Variants in USH2A observed in about 807,000 individuals in gnomAD.
USH2A encodes usherin.
In USH2A, 443 loss-of-function variants were observed where a neutral mutation model predicts 538.9. The observed-to-expected ratio is 0.82, with a 90% CI of 0.76 to 0.89. The LOEUF (loss-of-function observed/expected upper bound fraction) is 0.89. USH2A is among the 40% of genes least tolerant of loss of function. USH2A has a pLI of 0.00. For synonymous variants in USH2A, 2,413 were observed against 2,273.5 expected, an observed-to-expected ratio of 1.06 and a Z score of -1.75; for missense variants, 6,633 against 6,324.8, an observed-to-expected ratio of 1.05 and a Z score of -1.65.
At chr1:215,870,283 T>A (rs1200157174) in intron 43 of USH2A, among the ~76,000 whole-genome samples, 2 of 148,904 alleles carry the variant, frequency 1.3e-5, no homozygotes, top group African/African-American at 5.1e-5. Context: ...TTTTTTTATT[T>A]TTTATTTTTT....
rs200462291 is a variant in USH2A, at chr1:216,307,394, AG to A, written c.1644+14488del. Among the ~76,000 whole-genome samples, 125 of 152,228 alleles carry A rather than the reference AG, an allele frequency of 8.2e-4. No homozygotes were observed. In the East Asian group the frequency reaches 0.013, roughly 15 times the overall value. ...TCACCCAGCTCCCATGCAACCCAAA[AG>A]GCCAGTCTCACTCCCACAATACTCT... On this transcript the variant is annotated intron_variant, in intron 9 of 71. Transcript: ENST00000307340.
At chr1:215,796,719 T>A (rs1332667804) in intron 50 of USH2A, among the ~76,000 whole-genome samples, 1 of 152,140 alleles carries the variant, frequency 6.6e-6, no homozygotes, top group Non-Finnish European at 1.5e-5. Context: ...TCACTTTAAA[T>A]CAAAAGCTAG....
At chr1:215,993,869 A>G (rs1224464236) in intron 34 of USH2A, among the ~76,000 whole-genome samples, 1 of 152,174 alleles carries the variant, frequency 6.6e-6, no homozygotes, top group South Asian at 2.1e-4. Flanking sequence ...CTAATTAAGT[A>G]TCACTAATGT....
At chr1:216,348,282 C>T (rs943035751) in intron 4 of USH2A, among the ~76,000 whole-genome samples, 2 of 152,092 alleles carry the variant, frequency 1.3e-5, no homozygotes, top group African/African-American at 4.8e-5. Context: ...CCAAGACTTT[C>T]ACTGGAATGG....
intron 11 of USH2A, among the ~76,000 whole-genome samples, chr1:216,278,503 C>T (rs907157566): frequency 3.3e-5 from 5 of 152,178 alleles, no homozygotes; most frequent in Admixed American, 2.0e-4. Flanking sequence ...TTTACCAGCT[C>T]TATGAGAAAT....
rs150340545 is a variant in USH2A at position 216,111,057 on chromosome 1, C to T, written c.4628-13844G>A. Among the ~76,000 whole-genome samples, 1,406 of 152,242 alleles carry T rather than the reference C, an allele frequency of 9.2e-3. 8 individuals carry two copies. Among genetic ancestry groups the T allele is most frequent in the Non-Finnish European group, 0.014 (927 of 68,008 alleles). ...CCTAGCCAACATGGTGAAACCCCATCTCTACCAAAAATACAAAAATTAGTT... is the reference window on the plus strand; with the variant it reads ...CCTAGCCAACATGGTGAAACCCCATTTCTACCAAAAATACAAAAATTAGTT... On this transcript the variant is annotated intron_variant, in intron 21 of 71. Coordinates refer to ENST00000307340, the MANE Select transcript of USH2A (RefSeq NM_206933.4).
chr1:215,676,444 T>A (rs931326873), intron 62 of USH2A, among the ~76,000 whole-genome samples: 8 of 152,140 alleles, frequency 5.3e-5, no homozygotes, highest in African/African-American at 1.7e-4. Flanking sequence ...CCAACAAACC[T>A]GAGAGAGATG....
chr1:215,786,753 G>T lies in USH2A; in HGVS notation c.10304C>A (p.Thr3435Lys). ...CTVIRGSHNS[T>K]GKASIEEMCS... ...CATTTCTTCAATTGATGCCTTCCCT[G>T]TGGAATTGTGAGACCCTCTTATCAC... Residue 3435 changes from threonine to lysine, a missense_variant, in exon 52 of 72, where the codon ACA becomes AAA. Coordinates refer to ENST00000307340, the MANE Select transcript of USH2A (RefSeq NM_206933.4). The T allele has an allele frequency of 6.2e-7, 1 of 1,613,968 alleles. No homozygotes were observed. The highest frequency in any genetic ancestry group is 8.5e-7 in the Non-Finnish European group (1 of 1,179,942).
At position 216,089,156 on chromosome 1, in the gene USH2A, A is replaced by G. The variant is rs779863964; in HGVS notation, c.4759-17T>C. 2 of 1,607,238 alleles carry G rather than the reference A, an allele frequency of 1.2e-6. No homozygotes were observed. Among genetic ancestry groups the G allele is most frequent in the Admixed American group, 3.3e-5 (2 of 59,952 alleles). ...TGGTGACCCCTTAAGGGAATGAATGAATAAATAAATGTTTATACATGCATA... is the reference window on the plus strand; with the variant it reads ...TGGTGACCCCTTAAGGGAATGAATGGATAAATAAATGTTTATACATGCATA... On this transcript the variant is annotated splice_polypyrimidine_tract_variant and intron_variant, in intron 22 of 71. Transcript: ENST00000307340.
At chr1:215,638,107 A>G (rs1414325125) in intron 69 of USH2A, among the ~76,000 whole-genome samples, 1 of 152,214 alleles carries the variant, frequency 6.6e-6, no homozygotes, top group African/African-American at 2.4e-5. Flanking sequence ...CAAATTTATC[A>G]TTCTAGGCTT....
At chr1:216,235,407 G>A (rs2102527743) in intron 13 of USH2A, among the ~76,000 whole-genome samples, 1 of 152,240 alleles carries the variant, frequency 6.6e-6, no homozygotes, top group Admixed American at 6.5e-5. Flanking sequence ...AGTGCTGAGA[G>A]TTCACATATA....
chr1:216,418,173 T>G (rs1558079997), intron 3 of USH2A, among the ~76,000 whole-genome samples: 1 of 152,012 alleles, frequency 6.6e-6, no homozygotes, highest in Non-Finnish European at 1.5e-5. Flanking sequence ...ACTAGTAAAA[T>G]TAGTACCAGA....
intron 35 of USH2A, among the ~76,000 whole-genome samples, chr1:215,989,357 C>T (rs1667951929): frequency 1.3e-5 from 2 of 152,150 alleles, no homozygotes; most frequent in Admixed American, 1.3e-4. Flanking sequence ...GACATGTCCA[C>T]ATCTCATAGG....
At chr1:216,117,002 T>C (rs1004728443) in intron 21 of USH2A, among the ~76,000 whole-genome samples, 3 of 152,094 alleles carry the variant, frequency 2.0e-5, no homozygotes, top group African/African-American at 7.2e-5. Flanking sequence ...TGATTTAGCA[T>C]AACTATGAAA....
At chr1:215,922,510 A>T (rs1666127840) in intron 38 of USH2A, among the ~76,000 whole-genome samples, 1 of 152,144 alleles carries the variant, frequency 6.6e-6, no homozygotes, top group African/African-American at 2.4e-5. Context: ...ATTTGTCTCA[A>T]ATATGAATAT....
intron 15 of USH2A, among the ~76,000 whole-genome samples, chr1:216,209,934 G>T (rs560032406): frequency 1.3e-5 from 2 of 152,232 alleles, no homozygotes; most frequent in South Asian, 4.1e-4. Flanking sequence ...GCAGGCCAGG[G>T]AAACTAAAAA....
At chr1:216,132,322 C>T (rs1250675634) in intron 21 of USH2A, among the ~76,000 whole-genome samples, 4 of 151,964 alleles carry the variant, frequency 2.6e-5, no homozygotes, top group African/African-American at 4.8e-5. Context: ...TCATACTGAA[C>T]ACTCATTGGA....
chr1:215,736,572 C>T (rs1279860518), intron 60 of USH2A, among the ~76,000 whole-genome samples: 1 of 151,710 alleles, frequency 6.6e-6, no homozygotes, highest in Non-Finnish European at 1.5e-5. Flanking sequence ...CATAAAAGTG[C>T]TGGAAGAAAT....
chr1:216,136,097 T>C (rs1168772159), intron 21 of USH2A, among the ~76,000 whole-genome samples: 1 of 152,122 alleles, frequency 6.6e-6, no homozygotes, highest in African/African-American at 2.4e-5. Context: ...ACATAGAATG[T>C]TGAACAATAA....
Sources: allele counts gnomAD v4.1 joint callset (sites outside exome capture counted in the v4.1 genomes callset), GRCh38; gene constraint gnomAD v4.1.1; transcripts MANE v1.5; gene names NCBI Gene and HGNC (gene_info 2026-07-23, HGNC 2026-07-21).